SUPT3H: variants seen among roughly 807,000 people sequenced by gnomAD.
The protein encoded by SUPT3H is transcription initiation protein SPT3 homolog.
Under a neutral mutation model 44.3 loss-of-function variants are expected in SUPT3H, and 44 were observed. The observed-to-expected ratio is 0.99, with a 90% CI of 0.78 to 1.28. The LOEUF is 1.28. Ranked by LOEUF, SUPT3H falls within the 50% of genes most tolerant of loss-of-function variation. SUPT3H has a pLI of 0.00. For missense variants in SUPT3H, 380 were observed against 387.1 expected (o/e 0.98, Z 0.15); for synonymous variants, 124 against 125.6 (o/e 0.99, Z 0.09).
At chr6:45,179,693 A>C (rs1812751816) in intron 2 of SUPT3H, among the ~76,000 whole-genome samples, 1 of 152,202 alleles carries the variant, frequency 6.6e-6, no homozygotes, top group African/African-American at 2.4e-5. Flanking sequence ...TCATGCTAAA[A>C]ACTCTCAATA....
intron 11 of SUPT3H, among the ~76,000 whole-genome samples, chr6:44,821,608 A>T (rs1767326758): frequency 6.6e-6 from 1 of 152,220 alleles, no homozygotes. Flanking sequence ...TAATCACATA[A>T]TATTTATTGT....
chr6:45,361,529 A>G (rs1328924672), intron 2 of SUPT3H: 2 of 152,214 alleles, frequency 1.3e-5, no homozygotes, highest in Non-Finnish European at 2.9e-5. Context: ...GTTTGTTAAA[A>G]TACCTGTAAT....
intron 5 of SUPT3H, among the ~76,000 whole-genome samples, chr6:45,004,627 C>T (rs1363881056): frequency 6.6e-6 from 1 of 151,966 alleles, no homozygotes; most frequent in African/African-American, 2.4e-5. Flanking sequence ...ATTTCCTTCC[C>T]TTTTACATGA....
intron 2 of SUPT3H, among the ~76,000 whole-genome samples, chr6:45,258,645 A>G (rs969940096): frequency 5.9e-5 from 9 of 152,178 alleles, no homozygotes; most frequent in Non-Finnish European, 1.0e-4. Flanking sequence ...ACAACAAAGG[A>G]AGCAACCATT....
At chr6:44,980,922 A>T (rs1170460990) in intron 6 of SUPT3H, among the ~76,000 whole-genome samples, 1 of 152,250 alleles carries the variant, frequency 6.6e-6, no homozygotes, top group Non-Finnish European at 1.5e-5. Context: ...CGCACGTCTG[A>T]AGAAGTAGAT....
intron 2 of SUPT3H, among the ~76,000 whole-genome samples, chr6:45,362,855 T>C (rs1042378547): frequency 6.6e-6 from 1 of 152,088 alleles, no homozygotes; most frequent in Non-Finnish European, 1.5e-5. Flanking sequence ...TTTTTTAAAA[T>C]GGCCCAAGGT....
At position 44,827,028 on chromosome 6, in the gene SUPT3H, A is replaced by C. The variant is rs780948507; in HGVS notation, c.*2788T>G. Reference sequence around the variant, plus strand: ...GCACGTTCAGAAAGTTATACTTCCAAATTTAGGTGAAGGGAGAAATATTTC... The same window carrying C: ...GCACGTTCAGAAAGTTATACTTCCACATTTAGGTGAAGGGAGAAATATTTC... On this transcript the variant is annotated 3_prime_UTR_variant, in exon 11 of 11. Transcript: ENST00000371459. Among the ~76,000 whole-genome samples the C allele has an allele frequency of 6.6e-6, 1 of 152,160 alleles. No individual in the cohort carries two copies. Among genetic ancestry groups the C allele is most frequent in the Non-Finnish European group, 1.5e-5 (1 of 68,000 alleles).
At chr6:45,272,667 ACT>A (rs1302936158) in intron 2 of SUPT3H, among the ~76,000 whole-genome samples, 2 of 152,090 alleles carry the variant, frequency 1.3e-5, no homozygotes, top group Admixed American at 6.6e-5. Context: ...TCTCATGGAA[ACT>A]CTCACAAAAT....
At chr6:45,024,972 T>C (rs1036509959) in intron 3 of SUPT3H, among the ~76,000 whole-genome samples, 1 of 152,226 alleles carries the variant, frequency 6.6e-6, no homozygotes, top group Non-Finnish European at 1.5e-5. Context: ...GAACTAAACA[T>C]CTACACATTG....
chr6:45,338,374 A>G (rs577867743), intron 2 of SUPT3H, among the ~76,000 whole-genome samples: 1 of 152,212 alleles, frequency 6.6e-6, no homozygotes, highest in South Asian at 2.1e-4. Flanking sequence ...CAACTTCTCA[A>G]GAAATTCTAA....
intron 2 of SUPT3H, among the ~76,000 whole-genome samples, chr6:45,167,203 A>T (rs1810033965): frequency 6.6e-6 from 1 of 152,194 alleles, no homozygotes. Context: ...TATAAAAGCT[A>T]GCCAAAGTCA....
At chr6:45,288,114 C>G (rs958124291) in intron 2 of SUPT3H, among the ~76,000 whole-genome samples, 3 of 152,060 alleles carry the variant, frequency 2.0e-5, no homozygotes, top group Non-Finnish European at 4.4e-5. Flanking sequence ...AATCCTAGAG[C>G]AGCCATCAGG....
chr6:45,014,489 T>C (rs1201944787), intron 5 of SUPT3H, among the ~76,000 whole-genome samples: 1 of 152,112 alleles, frequency 6.6e-6, no homozygotes, highest in East Asian at 1.9e-4. Flanking sequence ...GAACTGGTAT[T>C]GATTGGAATT....
intron 3 of SUPT3H, among the ~76,000 whole-genome samples, chr6:45,065,576 G>GA (rs1366152786): frequency 4.6e-5 from 7 of 150,984 alleles, no homozygotes; most frequent in African/African-American, 1.2e-4. Context: ...GACTAATAAA[G>GA]AAAAAAAGAG....
intron 1 of SUPT3H, among the ~76,000 whole-genome samples, chr6:45,367,855 C>T (rs747901145): frequency 6.6e-6 from 1 of 152,112 alleles, no homozygotes; most frequent in African/African-American, 2.4e-5. Flanking sequence ...ATTTTTATAT[C>T]AAACAGGTGA....
chr6:45,226,259 T>C (rs1480504055), intron 2 of SUPT3H, among the ~76,000 whole-genome samples: 8 of 152,206 alleles, frequency 5.3e-5, no homozygotes, highest in Non-Finnish European at 1.0e-4. Flanking sequence ...TAAATTGTTT[T>C]GCTTTCTGCC....
At chr6:44,838,222 T>C (rs1371491388) in intron 10 of SUPT3H, among the ~76,000 whole-genome samples, 1 of 152,202 alleles carries the variant, frequency 6.6e-6, no homozygotes, top group Non-Finnish European at 1.5e-5. Context: ...ATAGAGAAGG[T>C]GTATGTCTGT....
At position 44,896,180 on chromosome 6, in the gene SUPT3H, T is replaced by C. The variant is rs542350515; in HGVS notation, c.912+36473A>G. ...CAGGTAACGAGGTTTGAAATAAATATGTGCAAATAATGTGGTTTGATGGAA... is the reference window on the plus strand; with the variant it reads ...CAGGTAACGAGGTTTGAAATAAATACGTGCAAATAATGTGGTTTGATGGAA... On this transcript the variant is annotated intron_variant, in intron 10 of 10. Transcript: ENST00000371459. 5.5e-4 allele frequency among the ~76,000 whole-genome samples: 84 copies of C among 152,308 alleles called. No homozygotes were observed. In the South Asian group the frequency reaches 5.6e-3, roughly 10 times the overall value.
chr6:45,347,862 C>T (rs112253833), intron 2 of SUPT3H, among the ~76,000 whole-genome samples: 35 of 151,936 alleles, frequency 2.3e-4, no homozygotes, highest in African/African-American at 8.2e-4. Context: ...TTAAAAAATA[C>T]TACATGCCTA....
Sources: gnomAD v4.1 joint callset for allele counts (sites outside exome capture counted in the v4.1 genomes callset) on GRCh38, gnomAD v4.1.1 for gene constraint, MANE v1.5 for transcripts, NCBI Gene and HGNC (gene_info 2026-07-23, HGNC 2026-07-21) for gene names.